Variants in NAALADL2 observed in about 807,000 individuals in gnomAD.
NAALADL2 encodes inactive N-acetylated-alpha-linked acidic dipeptidase-like protein 2.
In NAALADL2, 76 loss-of-function variants were observed where a neutral mutation model predicts 87.2. The observed-to-expected ratio is 0.87, with a 90% CI of 0.72 to 1.05. NAALADL2 has a LOEUF of 1.05. NAALADL2 is among the 50% of genes least tolerant of loss of function. The probability of loss-of-function intolerance (pLI) is 0.00; values close to 1 mark genes in which losing one functional copy is unlikely to be tolerated. For synonymous variants in NAALADL2, 354 were observed against 331.0 expected, an observed-to-expected ratio of 1.07 and a Z score of -0.75; for missense variants, 1,089 against 945.8, an observed-to-expected ratio of 1.15 and a Z score of -1.99.
intron 3 of NAALADL2, among the ~76,000 whole-genome samples, chr3:174,783,671 T>G (rs1405024243): frequency 6.6e-6 from 1 of 152,168 alleles, no homozygotes; most frequent in Non-Finnish European, 1.5e-5. Flanking sequence ...CTTTCCTGTT[T>G]ATTTCTTAAG....
At chr3:174,969,449 T>C (rs918595442) in intron 1 of NAALADL2, among the ~76,000 whole-genome samples, 5 of 152,196 alleles carry the variant, frequency 3.3e-5, no homozygotes, top group African/African-American at 9.6e-5. Flanking sequence ...ATTTCAGCCC[T>C]AGTACAGAGG....
chr3:175,399,923 G>A (rs1770345683), intron 5 of NAALADL2, among the ~76,000 whole-genome samples: 1 of 152,096 alleles, frequency 6.6e-6, no homozygotes, highest in East Asian at 1.9e-4. Flanking sequence ...TTATGGTAAT[G>A]CTATAGCATA....
intron 5 of NAALADL2, among the ~76,000 whole-genome samples, chr3:175,438,641 T>C (rs1234910689): frequency 6.6e-6 from 1 of 152,064 alleles, no homozygotes; most frequent in Non-Finnish European, 1.5e-5. Context: ...TTGTCAGTCT[T>C]TTATTATAAT....
chr3:174,656,950 C>T (rs1159267896), intron 2 of NAALADL2, among the ~76,000 whole-genome samples: 4 of 151,328 alleles, frequency 2.6e-5, no homozygotes, highest in Non-Finnish European at 1.5e-5. Flanking sequence ...CATATGCTTT[C>T]ATTCATAAAC....
At position 174,859,418 on chromosome 3, in the gene NAALADL2, A is replaced by G. The variant is rs769914576; in HGVS notation, c.11A>G (p.Asn4Ser). The G allele has an allele frequency of 6.2e-7, 1 of 1,610,308 alleles. No homozygotes were observed. The highest frequency in any genetic ancestry group is 1.1e-5 in the South Asian group (1 of 90,398). Reference sequence around the variant, plus strand: ...AAAAGAAATAATAAAATGGGAGAGAATGAAGCAAGTTTACCTAACACGTCT... The same window carrying G: ...AAAAGAAATAATAAAATGGGAGAGAGTGAAGCAAGTTTACCTAACACGTCT... The part of the protein sequence containing the change: MGE[N>S]EASLPNTSLQ... The change falls in exon 1 of 14, where the codon AAT (asparagine) becomes AGT (serine). Residue 4 changes from asparagine to serine, a missense_variant. Physicochemically the swap from Asn to Ser is conservative, Grantham distance 46. Transcript: ENST00000454872.
At chr3:174,485,029 T>C (rs1717766063) in intron 1 of NAALADL2, among the ~76,000 whole-genome samples, 1 of 152,018 alleles carries the variant, frequency 6.6e-6, no homozygotes, top group African/African-American at 2.4e-5. Context: ...AGAACACAGT[T>C]CTCCATTATA....
chr3:174,603,171 T>A (rs1718629254), intron 2 of NAALADL2, among the ~76,000 whole-genome samples: 1 of 152,084 alleles, frequency 6.6e-6, no homozygotes, highest in South Asian at 2.1e-4. Flanking sequence ...TCTTGAATAG[T>A]TTGAATAGGA....
At chr3:175,276,409 C>T (rs188666204) in intron 4 of NAALADL2, among the ~76,000 whole-genome samples, 3 of 151,202 alleles carry the variant, frequency 2.0e-5, no homozygotes, top group African/African-American at 7.3e-5. Flanking sequence ...AAACGATTCT[C>T]TTGCCTGCCT....
chr3:174,976,878 G>A (rs9877016), intron 1 of NAALADL2, among the ~76,000 whole-genome samples: 2,951 of 152,186 alleles, frequency 0.019, 99 homozygotes, highest in African/African-American at 0.068. Flanking sequence ...CTAGGATGTG[G>A]CAAGGGTCCT....
intron 3 of NAALADL2, among the ~76,000 whole-genome samples, chr3:174,824,220 G>C (rs1721738840): frequency 6.6e-6 from 1 of 152,032 alleles, no homozygotes; most frequent in Non-Finnish European, 1.5e-5. Flanking sequence ...CTGGAAAAAG[G>C]TGCATATGTA....
At chr3:175,695,285 T>C (rs1737610073) in intron 11 of NAALADL2, among the ~76,000 whole-genome samples, 1 of 152,200 alleles carries the variant, frequency 6.6e-6, no homozygotes, top group Non-Finnish European at 1.5e-5. Flanking sequence ...GTTGCTAAAG[T>C]TTATTTTTCC....
At chr3:174,973,019 A>G (rs1044750115) in intron 1 of NAALADL2, among the ~76,000 whole-genome samples, 36 of 146,290 alleles carry the variant, frequency 2.5e-4, no homozygotes, top group Admixed American at 2.0e-3. Context: ...AAAAAATCCC[A>G]CTTAATTTAA....
At chr3:175,166,319 C>A (rs1734001334) in intron 2 of NAALADL2, among the ~76,000 whole-genome samples, 1 of 151,998 alleles carries the variant, frequency 6.6e-6, no homozygotes, top group South Asian at 2.1e-4. Flanking sequence ...ATTCTCACCT[C>A]ATTTCCCTTG....
intron 13 of NAALADL2, among the ~76,000 whole-genome samples, chr3:175,793,335 GTC>G (rs1196515692): frequency 1.4e-5 from 2 of 141,304 alleles, no homozygotes; most frequent in Non-Finnish European, 3.0e-5. Context: ...TCGAGACGGA[GTC>G]TCTCTCTGTC....
At chr3:175,703,842 A>G (rs1335751986) in intron 11 of NAALADL2, among the ~76,000 whole-genome samples, 1 of 152,178 alleles carries the variant, frequency 6.6e-6, no homozygotes, top group Non-Finnish European at 1.5e-5. Flanking sequence ...TCTCTTTGAC[A>G]TGATGAATTT....
At chr3:174,801,497 T>C (rs959591864) in intron 3 of NAALADL2, among the ~76,000 whole-genome samples, 1 of 152,224 alleles carries the variant, frequency 6.6e-6, no homozygotes, top group Non-Finnish European at 1.5e-5. Flanking sequence ...GTCTCAGGTA[T>C]ATCTTTATCA....
At chr3:175,268,937 A>G (rs1752379271) in intron 4 of NAALADL2, among the ~76,000 whole-genome samples, 1 of 138,812 alleles carries the variant, frequency 7.2e-6, no homozygotes, top group East Asian at 2.3e-4. Context: ...ACAGTTAACT[A>G]TTTAATTTTT....
intron 2 of NAALADL2, among the ~76,000 whole-genome samples, chr3:174,586,068 A>T (rs1716684180): frequency 6.6e-6 from 1 of 152,248 alleles, no homozygotes; most frequent in African/African-American, 2.4e-5. Flanking sequence ...TAGCAAAATT[A>T]TTATATGTGT....
chr3:175,173,406 G>A (rs1461209008), intron 2 of NAALADL2, among the ~76,000 whole-genome samples: 1 of 152,160 alleles, frequency 6.6e-6, no homozygotes, highest in African/African-American at 2.4e-5. Context: ...GGAGGCTGAA[G>A]TGGGAGAATT....
Sources: gnomAD v4.1 joint callset for allele counts (sites outside exome capture counted in the v4.1 genomes callset) on GRCh38, gnomAD v4.1.1 for gene constraint, MANE v1.5 for transcripts, NCBI Gene and HGNC (gene_info 2026-07-23, HGNC 2026-07-21) for gene names.